Variants in WDR41 observed in about 807,000 individuals in gnomAD.
The protein encoded by WDR41 is WD repeat-containing protein 41.
In WDR41, 63 loss-of-function variants were observed where a neutral mutation model predicts 69.3. The ratio of observed to expected loss-of-function variants is 0.91; its 90% CI spans 0.74 to 1.12. The LOEUF is 1.12. Among genes scored for constraint, WDR41 ranks in the 50% most tolerant of loss-of-function variants. The pLI, the probability that WDR41 is intolerant of heterozygous loss-of-function variation, is 0.00. For missense variants in WDR41, 543 were observed against 534.5 expected (o/e 1.02, Z -0.16); for synonymous variants, 185 against 192.1 (o/e 0.96, Z 0.31).
chr5:77,570,018 G>T (rs145359706), intron 1 of WDR41, among the ~76,000 whole-genome samples: 2 of 152,256 alleles, frequency 1.3e-5, no homozygotes, highest in African/African-American at 4.8e-5. Context: ...ATTTAGTCAT[G>T]TACGTCAAGA....
At chr5:77,535,449 T>C (rs1265802271) in intron 1 of WDR41, among the ~76,000 whole-genome samples, 1 of 152,210 alleles carries the variant, frequency 6.6e-6, no homozygotes, top group Non-Finnish European at 1.5e-5. Flanking sequence ...CACTTTGATG[T>C]CAGTTACAAC....
At chr5:77,502,886 C>T (rs1383862569) in intron 1 of WDR41, among the ~76,000 whole-genome samples, 1 of 152,144 alleles carries the variant, frequency 6.6e-6, no homozygotes, top group Non-Finnish European at 1.5e-5. Context: ...TGGAAATAAA[C>T]AACCAGTACC....
intron 1 of WDR41, among the ~76,000 whole-genome samples, chr5:77,536,787 A>G (rs1483087037): frequency 3.9e-5 from 6 of 152,232 alleles, no homozygotes; most frequent in Non-Finnish European, 8.8e-5. Flanking sequence ...AGGCTAAACC[A>G]TCGAGGTTTA....
At chr5:77,583,365 T>A (rs1743977067) in intron 1 of WDR41, among the ~76,000 whole-genome samples, 1 of 150,268 alleles carries the variant, frequency 6.7e-6, no homozygotes, top group African/African-American at 2.4e-5. Flanking sequence ...AAAAAAAAAA[T>A]TAGCCAGGTA....
At chr5:77,523,303 CAA>C (rs373426917) in intron 1 of WDR41, among the ~76,000 whole-genome samples, 8 of 134,286 alleles carry the variant, frequency 6.0e-5, no homozygotes, top group Non-Finnish European at 4.9e-5. Context: ...CAGACTCCAT[CAA>C]AAAAAAAAAA....
At chr5:77,513,981 AT>A (rs1802249775) in intron 1 of WDR41, among the ~76,000 whole-genome samples, 2 of 151,770 alleles carry the variant, frequency 1.3e-5, no homozygotes, top group African/African-American at 2.4e-5. Flanking sequence ...AAAAACTTTA[AT>A]TTTTTTCTTC....
At chr5:77,502,158 G>A (rs11956665) in intron 1 of WDR41, among the ~76,000 whole-genome samples, 11,266 of 152,092 alleles carry the variant, frequency 0.074, 852 homozygotes, top group East Asian at 0.26. Flanking sequence ...AGAATAAACA[G>A]TATAGAGAAG....
At chr5:77,538,463 C>G (rs1450562958) in intron 1 of WDR41, among the ~76,000 whole-genome samples, 1 of 152,142 alleles carries the variant, frequency 6.6e-6, no homozygotes, top group Non-Finnish European at 1.5e-5. Flanking sequence ...TCTTCCCTCC[C>G]CACTATAGTA....
At chr5:77,478,213 C>G (rs142831571) in intron 2 of WDR41, among the ~76,000 whole-genome samples, 9,757 of 152,096 alleles carry the variant, frequency 0.064, 568 homozygotes, top group African/African-American at 0.15. Context: ...AGTCCAGGAC[C>G]AGATGGATTC....
chr5:77,459,526 A>G lies in WDR41; in HGVS notation c.349-402T>C, dbSNP rs191428999. Among the ~76,000 whole-genome samples, 10 of 152,290 alleles carry G rather than the reference A, an allele frequency of 6.6e-5. No homozygotes were observed. In the East Asian group the frequency reaches 1.4e-3, roughly 21 times the overall value. ...TTAATATTTACTGAAAGCTCCCTAT[A>G]ATATGGATAGCATGATTTACTACTG... is the stretch of plus-strand genomic sequence containing the variant. On this transcript the variant is annotated intron_variant, in intron 4 of 12. Coordinates refer to ENST00000296679, the MANE Select transcript of WDR41 (RefSeq NM_018268.4).
intron 1 of WDR41, among the ~76,000 whole-genome samples, chr5:77,556,476 C>T (rs962384865): frequency 6.6e-6 from 1 of 152,012 alleles, no homozygotes; most frequent in Non-Finnish European, 1.5e-5. Flanking sequence ...GGCATGATGT[C>T]GGCTCATTGC....
intron 1 of WDR41, among the ~76,000 whole-genome samples, chr5:77,534,339 G>A (rs971338082): frequency 2.0e-5 from 3 of 150,946 alleles, no homozygotes; most frequent in Non-Finnish European, 4.4e-5. Flanking sequence ...TGTGGGGGGC[G>A]GCGGGGAAAG....
At chr5:77,547,232 C>T (rs550415562) in intron 1 of WDR41, among the ~76,000 whole-genome samples, 2 of 152,156 alleles carry the variant, frequency 1.3e-5, no homozygotes, top group Admixed American at 6.5e-5. Flanking sequence ...TGCCCACTCT[C>T]ACTACTCTTC....
At chr5:77,589,892 T>A (rs1355020763) in intron 1 of WDR41, among the ~76,000 whole-genome samples, 2 of 152,174 alleles carry the variant, frequency 1.3e-5, no homozygotes, top group Admixed American at 1.3e-4. Flanking sequence ...GCACCCTTTT[T>A]TCCCTATATC....
At chr5:77,604,080 A>T (rs1744372354) in intron 1 of WDR41, among the ~76,000 whole-genome samples, 1 of 151,992 alleles carries the variant, frequency 6.6e-6, no homozygotes, top group African/African-American at 2.4e-5. Flanking sequence ...TTCCATATGA[A>T]TTTTAGGATT....
intron 2 of WDR41, among the ~76,000 whole-genome samples, chr5:77,468,210 T>G (rs1392790711): frequency 6.6e-6 from 1 of 152,136 alleles, no homozygotes; most frequent in Non-Finnish European, 1.5e-5. Flanking sequence ...TTTATTATGA[T>G]AGTCCATAAG....
At position 77,492,266 on chromosome 5, in the gene WDR41, A is replaced by T; in HGVS notation, c.-46T>A. On this transcript the variant is annotated 5_prime_UTR_variant, in exon 1 of 13. The change creates a new upstream start codon in the 5' untranslated region. Transcript: ENST00000296679. ...GCCCGGTCCAGCCCCAGTCAGCCCA[A>T]ACTCCGCCCCAGGCTCGGCCTCCTC... 1 of 1,607,838 alleles carries T rather than the reference A, an allele frequency of 6.2e-7. No individual in the cohort carries two copies.
At chr5:77,603,842 A>C (rs1429555580) in intron 1 of WDR41, among the ~76,000 whole-genome samples, 1 of 152,204 alleles carries the variant, frequency 6.6e-6, no homozygotes, top group Non-Finnish European at 1.5e-5. Flanking sequence ...TCCTTTCCCC[A>C]GTGCATGTTT....
chr5:77,524,077 G>A (rs1163235944), intron 1 of WDR41, among the ~76,000 whole-genome samples: 1 of 152,102 alleles, frequency 6.6e-6, no homozygotes, highest in Non-Finnish European at 1.5e-5. Context: ...TAAAACAACA[G>A]TGTTCATGTG....
Sources: gnomAD v4.1 joint callset for allele counts (sites outside exome capture counted in the v4.1 genomes callset) on GRCh38, gnomAD v4.1.1 for gene constraint, MANE v1.5 for transcripts, NCBI Gene and HGNC (gene_info 2026-07-23, HGNC 2026-07-21) for gene names.